Variants in ART3 observed in about 807,000 individuals in gnomAD.
ART3 encodes the protein ADP-ribosyltransferase 3 (inactive), also known as ecto-ADP-ribosyltransferase 3.
In ART3, 49 loss-of-function variants were observed where a neutral mutation model predicts 48.5. The ratio of observed to expected loss-of-function variants is 1.01; its 90% CI spans 0.80 to 1.28. The LOEUF is 1.28. Ranked by LOEUF, ART3 falls within the 50% of genes most tolerant of loss-of-function variation. The probability of loss-of-function intolerance (pLI) is 0.00; values close to 1 mark genes in which losing one functional copy is unlikely to be tolerated. For missense variants in ART3, 438 were observed against 454.3 expected, an observed-to-expected ratio of 0.96 and a Z score of 0.33; for synonymous variants, 145 against 157.2, an observed-to-expected ratio of 0.92 and a Z score of 0.58.
chr4:76,112,354 A>T (rs1293739341), intron 11 of ART3, 32 bp from the exon 12 acceptor site: 1 of 1,579,310 alleles, frequency 6.3e-7, no homozygotes, highest in East Asian at 2.3e-5. Context: ...ATAAAAAATG[A>T]TGTGTCAGTG....
At chr4:76,102,631 G>A (rs879618751) in intron 8 of ART3, among the ~76,000 whole-genome samples, 1 of 126,208 alleles carries the variant, frequency 7.9e-6, no homozygotes, top group African/African-American at 2.5e-5. Flanking sequence ...GTAAATAATT[G>A]GATATAGAAC....
chr4:76,019,068 T>C (rs1319012914), intron 1 of ART3, among the ~76,000 whole-genome samples: 2 of 144,666 alleles, frequency 1.4e-5, no homozygotes, highest in African/African-American at 2.5e-5. Context: ...AAAAAGAACA[T>C]ATGCCAGAAA....
At chr4:76,091,679 C>CTTTT (rs869226732) in intron 3 of ART3, among the ~76,000 whole-genome samples, 5 of 112,308 alleles carry the variant, frequency 4.5e-5, no homozygotes, top group East Asian at 2.4e-4. Context: ...TGTAGCTTAT[C>CTTTT]TTTTTTTTTT....
intron 1 of ART3, among the ~76,000 whole-genome samples, chr4:76,075,537 C>T (rs541116902): frequency 2.0e-5 from 3 of 152,074 alleles, no homozygotes; most frequent in Admixed American, 6.6e-5. Context: ...TTCCTGTGCA[C>T]GCTGAGGGGA....
At chr4:76,109,204 A>T (rs1030388023) in intron 11 of ART3, among the ~76,000 whole-genome samples, 6 of 151,926 alleles carry the variant, frequency 3.9e-5, no homozygotes, top group Non-Finnish European at 8.8e-5. Context: ...GTACAAAAAT[A>T]TTTTTTCTTT....
chr4:76,054,010 G>A (rs1419774335), intron 1 of ART3, among the ~76,000 whole-genome samples: 2 of 152,138 alleles, frequency 1.3e-5, no homozygotes. Context: ...TATTGTTAGG[G>A]GATAGAAACG....
chr4:76,034,597 G>T, intron 1 of ART3: 1 of 600,164 alleles, frequency 1.7e-6, no homozygotes, highest in Non-Finnish European at 2.9e-6. Flanking sequence ...ATTCATTCAG[G>T]AAGACTGTAT....
In ART3 at chr4:76,043,280, G is replaced by A. The variant is rs555874918; in HGVS notation, c.-10+31960G>A. Among the ~76,000 whole-genome samples, 240 of 152,150 alleles carry A rather than the reference G, an allele frequency of 1.6e-3. 1 individual carries two copies. The highest frequency in any genetic ancestry group is 5.3e-3 in the African/African-American group (221 of 41,548). ...GCAGGTGGAGCTGCCTGCCAGTCCC[G>A]GTGCTGTGTGCCCACACTCCTCAGC... On this transcript the variant is annotated intron_variant, in intron 1 of 9. Transcript: ENST00000341029.
intron 5 of ART3, among the ~76,000 whole-genome samples, chr4:76,099,817 A>C (rs1253822945): frequency 6.6e-6 from 1 of 152,236 alleles, no homozygotes; most frequent in Non-Finnish European, 1.5e-5. Flanking sequence ...GGCTACAATA[A>C]ATTTTTCTTT....
intron 1 of ART3, 128 bp downstream of exon 1, chr4:76,074,947 T>C (rs1720742713): frequency 1.3e-5 from 2 of 152,234 alleles, no homozygotes. Context: ...CAAATCTTTT[T>C]TGGAAAGAGA....
At chr4:76,052,127 T>A (rs1011719813) in intron 1 of ART3, among the ~76,000 whole-genome samples, 6 of 152,098 alleles carry the variant, frequency 3.9e-5, no homozygotes, top group African/African-American at 1.4e-4. Flanking sequence ...ACGCCTGTAA[T>A]CCCAGCACTT....
intron 2 of ART3, among the ~76,000 whole-genome samples, chr4:76,080,828 A>T (rs560153473): frequency 1.2e-3 from 189 of 152,178 alleles, no homozygotes; most frequent in Middle Eastern, 6.8e-3. Context: ...AATTTTTTTT[A>T]AAATTGAAAA....
intron 1 of ART3, among the ~76,000 whole-genome samples, chr4:76,042,824 A>C (rs1249498060): frequency 6.6e-6 from 1 of 152,054 alleles, no homozygotes; most frequent in Non-Finnish European, 1.5e-5. Context: ...CACAGTGTGG[A>C]AGGGGACCTG....
intron 1 of ART3, chr4:76,033,571 A>G (rs1172749800): frequency 6.6e-6 from 1 of 152,198 alleles, no homozygotes; most frequent in Non-Finnish European, 1.5e-5. Context: ...CCACCTACCC[A>G]TTAAAATATA....
intron 2 of ART3, among the ~76,000 whole-genome samples, chr4:76,076,833 T>G (rs1309730560): frequency 6.6e-6 from 1 of 152,190 alleles, no homozygotes; most frequent in Non-Finnish European, 1.5e-5. Flanking sequence ...AATATAATAT[T>G]TCACTTGATT....
chr4:76,057,492 TA>T (rs529190442), intron 1 of ART3, among the ~76,000 whole-genome samples: 19 of 152,340 alleles, frequency 1.2e-4, no homozygotes, highest in Non-Finnish European at 2.6e-4. Context: ...CTATCTTCTG[TA>T]AATCTAATAT....
chr4:76,026,730 G>A (rs1363063440), intron 1 of ART3, among the ~76,000 whole-genome samples: 1 of 152,194 alleles, frequency 6.6e-6, no homozygotes, highest in Non-Finnish European at 1.5e-5. Flanking sequence ...TTGAATGAAT[G>A]AATGCAGGAA....
chr4:76,084,651 TCTC>T (rs1723173626), intron 3 of ART3, among the ~76,000 whole-genome samples: 1 of 152,168 alleles, frequency 6.6e-6, no homozygotes, highest in Non-Finnish European at 1.5e-5. Flanking sequence ...GTAAACTCCT[TCTC>T]CTGTCTTCTG....
intron 3 of ART3, among the ~76,000 whole-genome samples, chr4:76,086,404 A>T (rs1195301406): frequency 6.6e-6 from 1 of 152,216 alleles, no homozygotes; most frequent in Admixed American, 6.5e-5. Flanking sequence ...TCTCAGTTAT[A>T]TGTGGAATAT....
Sources: allele counts gnomAD v4.1 joint callset (sites outside exome capture counted in the v4.1 genomes callset), GRCh38; gene constraint gnomAD v4.1.1; transcripts MANE v1.5; gene names NCBI Gene and HGNC (gene_info 2026-07-23, HGNC 2026-07-21).